The following EDAR variants were observed in gnomAD, a reference collection of about 807,000 sequenced individuals.
EDAR encodes tumor necrosis factor receptor superfamily member EDAR.
In EDAR, 38 loss-of-function variants were observed where a neutral mutation model predicts 51.3. The ratio of observed to expected loss-of-function variants is 0.74; its 90% CI spans 0.57 to 0.97. The LOEUF is 0.97. EDAR is among the 50% of genes least tolerant of loss of function. EDAR has a pLI of 0.00. For synonymous variants in EDAR, 227 were observed against 242.1 expected (o/e 0.94, Z 0.58); for missense variants, 528 against 595.0 (o/e 0.89, Z 1.17).
chr2:108,898,437 C>A (rs749984578), intron 11 of EDAR, among the ~76,000 whole-genome samples: 1 of 152,060 alleles, frequency 6.6e-6, no homozygotes, highest in African/African-American at 2.4e-5. Flanking sequence ...AAGACAGCAC[C>A]CTCATTCTCC....
intron 5 of EDAR, among the ~76,000 whole-genome samples, chr2:108,916,671 G>T (rs1574376541): frequency 6.6e-6 from 1 of 152,312 alleles, no homozygotes; most frequent in East Asian, 1.9e-4. Context: ...GAGTTGGTGA[G>T]AGAAATGCTT....
At chr2:108,939,951 G>A (rs1164775619) in intron 1 of EDAR, among the ~76,000 whole-genome samples, 1 of 152,194 alleles carries the variant, frequency 6.6e-6, no homozygotes. Flanking sequence ...GCATGAACGT[G>A]TCTCAGTGAC....
intron 1 of EDAR, among the ~76,000 whole-genome samples, chr2:108,961,538 A>G (rs1698042407): frequency 6.6e-6 from 1 of 152,216 alleles, no homozygotes; most frequent in Non-Finnish European, 1.5e-5. Flanking sequence ...TCAGATTTAC[A>G]TGCTGAAGGT....
intron 1 of EDAR, among the ~76,000 whole-genome samples, chr2:108,981,485 C>A (rs1023894091): frequency 1.3e-5 from 2 of 152,180 alleles, no homozygotes; most frequent in African/African-American, 2.4e-5. Context: ...GAGAAGCTTC[C>A]ATTTTCCGCT....
chr2:108,904,198 TG>T (rs978914191), intron 11 of EDAR, among the ~76,000 whole-genome samples: 1 of 151,852 alleles, frequency 6.6e-6, no homozygotes, highest in African/African-American at 2.4e-5. Context: ...GACACACAGA[TG>T]AAAAAAACAC....
chr2:108,901,171 C>T (rs1306086095), intron 11 of EDAR, among the ~76,000 whole-genome samples: 1 of 152,136 alleles, frequency 6.6e-6, no homozygotes, highest in Non-Finnish European at 1.5e-5. Context: ...ACAATAGAAT[C>T]AGAATATAAA....
chr2:108,910,652 C>T lies in EDAR; in HGVS notation c.731-120G>A. On this transcript the variant is annotated intron_variant, in intron 8 of 11. Transcript: ENST00000258443. ...GCCCGGTGTCTGTGTGGCACCACCC[C>T]ACGGTAAGCACAGTATGGTTCAGCA... 7 of 1,412,840 alleles carry T rather than the reference C, an allele frequency of 5.0e-6. No individual in the cohort carries two copies. The South Asian group carries it at 5.9e-5, about 12-fold the overall frequency. The allele number at this position is 1,412,840 out of a possible 1,614,324, so 87.5% of individuals were successfully genotyped here.
At chr2:108,899,550 C>T (rs1696662024) in intron 11 of EDAR, among the ~76,000 whole-genome samples, 1 of 152,176 alleles carries the variant, frequency 6.6e-6, no homozygotes. Flanking sequence ...TTTAAGTTTT[C>T]TGAATTACAT....
chr2:108,971,067 C>T (rs1311042296), intron 1 of EDAR, among the ~76,000 whole-genome samples: 16 of 152,190 alleles, frequency 1.1e-4, no homozygotes, highest in East Asian at 7.8e-4. Flanking sequence ...CAGGGTCCGG[C>T]GAGACCGTGC....
intron 3 of EDAR, 47 bp from the exon 4 acceptor site, chr2:108,929,426 A>C: frequency 6.3e-7 from 1 of 1,594,628 alleles, no homozygotes; most frequent in East Asian, 2.2e-5. Flanking sequence ...GCAGCAGCCA[A>C]ACCATACGGA....
In EDAR at chr2:108,945,386, G is replaced by A. The variant is rs547562856; in HGVS notation, c.-18-14354C>T. ...CCAAGAGCCCCCAAGCAACGCCAAG[G>A]CATTTGGAACTAGAGTATGCTGGTA... On this transcript the variant is annotated intron_variant, in intron 1 of 11. Transcript: ENST00000258443. 2.0e-5 allele frequency among the ~76,000 whole-genome samples: 3 copies of A among 152,230 alleles called. No individual in the cohort carries two copies. In the South Asian group the frequency reaches 6.3e-4, roughly 32 times the overall value.
At chr2:108,926,206 G>A (rs958671265) in intron 4 of EDAR, among the ~76,000 whole-genome samples, 2 of 152,100 alleles carry the variant, frequency 1.3e-5, no homozygotes, top group African/African-American at 2.4e-5. Context: ...GTTCATTTAG[G>A]GATCTCTGGC....
chr2:108,942,579 C>G (rs1476878898), intron 1 of EDAR, among the ~76,000 whole-genome samples: 1 of 152,286 alleles, frequency 6.6e-6, no homozygotes, highest in Non-Finnish European at 1.5e-5. Context: ...ATAAATGGTG[C>G]CTTCATTTTG....
Position 108,910,777 on chromosome 2 carries a change from T to C in EDAR, c.729A>G (p.Pro243=). ...GTGTGGAAGCCCTGGTTCACAGACCTGGGGCCTCTTTCTTCTCCTCGTCCT... is the reference window on the plus strand; with the variant it reads ...GTGTGGAAGCCCTGGTTCACAGACCCGGGGCCTCTTTCTTCTCCTCGTCCT... ...VSKDEEKKEA[P]DNVVMFSEKD... is the part of the protein sequence containing the mutation. Residue 243 remains proline (P), a splice_region_variant and synonymous_variant, in exon 8 of 12, where the codon CCA becomes CCG. Coordinates refer to ENST00000258443, the MANE Select transcript of EDAR (RefSeq NM_022336.4). 1.2e-6 allele frequency: 2 copies of C among 1,612,948 alleles called. No homozygotes were observed. Among genetic ancestry groups the C allele is most frequent in the Non-Finnish European group, 1.7e-6 (2 of 1,179,974 alleles).
At chr2:108,932,897 G>A (rs972473204) in intron 1 of EDAR, among the ~76,000 whole-genome samples, 2 of 152,196 alleles carry the variant, frequency 1.3e-5, no homozygotes, top group African/African-American at 2.4e-5. Flanking sequence ...GGCTGCTAGG[G>A]AGCTTCCAGT....
intron 5 of EDAR, among the ~76,000 whole-genome samples, chr2:108,919,720 C>T (rs1013110217): frequency 7.9e-5 from 12 of 152,144 alleles, no homozygotes; most frequent in Admixed American, 1.3e-4. Context: ...GGTGCCTTCT[C>T]GGGTTTGAAC....
intron 5 of EDAR, among the ~76,000 whole-genome samples, chr2:108,917,682 C>A (rs534148161): frequency 6.6e-6 from 1 of 152,172 alleles, no homozygotes; most frequent in South Asian, 2.1e-4. Context: ...CCTTGCCATC[C>A]CTGGCTGCAG....
Position 108,896,948 on chromosome 2 carries a change from C to A in EDAR, c.1306G>T (p.Gly436Trp). Residue 436 changes from glycine to tryptophan, a missense_variant, in exon 12 of 12, where the codon GGG (glycine) becomes TGG (tryptophan). Gly to Trp is a radical substitution (Grantham distance 184). Transcript: ENST00000258443. ...SLCADILEWAGVVPPASQPHA... is the reference protein window; with the variant it reads ...SLCADILEWAWVVPPASQPHA... Reference sequence around the variant, plus strand: ...GGCTGGGAGGCAGGTGGCACAACCCCCGCCCACTCCAGTATGTCTGCACAC... The same window carrying A: ...GGCTGGGAGGCAGGTGGCACAACCCACGCCCACTCCAGTATGTCTGCACAC... The A allele has an allele frequency of 6.2e-7, 1 of 1,613,396 alleles. No individual in the cohort carries two copies. Among genetic ancestry groups the A allele is most frequent in the East Asian group, 2.2e-5 (1 of 44,834 alleles).
intron 1 of EDAR, among the ~76,000 whole-genome samples, chr2:108,964,592 A>G (rs1421822965): frequency 6.6e-6 from 1 of 152,210 alleles, no homozygotes; most frequent in African/African-American, 2.4e-5. Context: ...TTTTAACAAC[A>G]AAGGGCAGCT....
Sources: allele counts gnomAD v4.1 joint callset (sites outside exome capture counted in the v4.1 genomes callset), GRCh38; gene constraint gnomAD v4.1.1; transcripts MANE v1.5; gene names NCBI Gene and HGNC (gene_info 2026-07-23, HGNC 2026-07-21).